NKAIN3: variants seen among roughly 807,000 people sequenced by gnomAD.
NKAIN3 encodes sodium/potassium-transporting ATPase subunit beta-1-interacting protein 3.
A neutral mutation model predicts 30.2 loss-of-function variants in NKAIN3; 25 were observed. That is an observed-to-expected ratio of 0.83 (90% CI 0.60 to 1.16). The LOEUF is 1.16. Ranked by LOEUF, NKAIN3 falls within the 50% of genes most tolerant of loss-of-function variation. The pLI, the probability that NKAIN3 is intolerant of heterozygous loss-of-function variation, is 0.00. For synonymous variants in NKAIN3, 91 were observed against 89.6 expected, an observed-to-expected ratio of 1.02 and a Z score of -0.09; for missense variants, 225 against 254.1, an observed-to-expected ratio of 0.89 and a Z score of 0.78.
At chr8:62,895,601 C>G (rs182714877) in intron 4 of NKAIN3, among the ~76,000 whole-genome samples, 135 of 152,290 alleles carry the variant, frequency 8.9e-4, no homozygotes, top group African/African-American at 3.1e-3. Context: ...GGAGCCTTCT[C>G]CCAACTAGCT....
chr8:62,688,169 A>G (rs1456823582), intron 3 of NKAIN3, among the ~76,000 whole-genome samples: 1 of 152,166 alleles, frequency 6.6e-6, no homozygotes, highest in East Asian at 1.9e-4. Context: ...TTCCTTCAAG[A>G]ATCATTAGAC....
chr8:62,510,531 G>A (rs762035312), intron 1 of NKAIN3, among the ~76,000 whole-genome samples: 38 of 152,106 alleles, frequency 2.5e-4, no homozygotes, highest in Non-Finnish European at 3.8e-4. Flanking sequence ...GGTTTGTTAC[G>A]ATTTTCTGGG....
intron 4 of NKAIN3, among the ~76,000 whole-genome samples, chr8:62,805,339 G>A (rs1256812492): frequency 7.2e-5 from 11 of 151,786 alleles, no homozygotes; most frequent in Non-Finnish European, 1.3e-4. Context: ...AGCCCGCATT[G>A]CCAAGTCAAT....
intron 1 of NKAIN3, among the ~76,000 whole-genome samples, chr8:62,438,533 A>G (rs1286835304): frequency 6.6e-6 from 1 of 151,974 alleles, no homozygotes; most frequent in Non-Finnish European, 1.5e-5. Flanking sequence ...CTCGTAAGGG[A>G]CATCAGTAGG....
intron 3 of NKAIN3, among the ~76,000 whole-genome samples, chr8:62,725,398 T>A (rs1815222300): frequency 6.6e-6 from 1 of 152,174 alleles, no homozygotes; most frequent in South Asian, 2.1e-4. Flanking sequence ...TTGCCCATTT[T>A]TGCTTTGGTT....
chr8:62,296,659 A>G (rs1024694705), intron 1 of NKAIN3, among the ~76,000 whole-genome samples: 1 of 152,194 alleles, frequency 6.6e-6, no homozygotes, highest in African/African-American at 2.4e-5. Flanking sequence ...GAGAGACACT[A>G]TGTTAGACTT....
At chr8:62,604,517 C>T (rs2130161044) in intron 3 of NKAIN3, among the ~76,000 whole-genome samples, 1 of 152,226 alleles carries the variant, frequency 6.6e-6, no homozygotes, top group African/African-American at 2.4e-5. Context: ...TGGAATATCT[C>T]ACAATCAAAT....
intron 1 of NKAIN3, among the ~76,000 whole-genome samples, chr8:62,406,978 T>A (rs527799765): frequency 1.3e-3 from 194 of 152,340 alleles, no homozygotes; most frequent in African/African-American, 4.6e-3. Flanking sequence ...TTAGCCACAA[T>A]GCTGATACTG....
At chr8:62,617,522 G>A (rs555200588) in intron 3 of NKAIN3, among the ~76,000 whole-genome samples, 1 of 152,274 alleles carries the variant, frequency 6.6e-6, no homozygotes, top group South Asian at 2.1e-4. Flanking sequence ...AGAAACAAAG[G>A]CAACAGCTTG....
intron 4 of NKAIN3, among the ~76,000 whole-genome samples, chr8:62,753,942 GAC>G (rs1816367640): frequency 6.6e-6 from 1 of 152,026 alleles, no homozygotes; most frequent in South Asian, 2.1e-4. Flanking sequence ...TTAATTTTAA[GAC>G]CATATATAAA....
In NKAIN3 at chr8:62,815,163, A is replaced by T. The variant is rs1484292156; in HGVS notation, c.471+68034A>T. Among the ~76,000 whole-genome samples the T allele has an allele frequency of 1.1e-3, 171 of 152,204 alleles. 1 individual carries two copies. The highest frequency in any genetic ancestry group is 3.7e-3 in the African/African-American group (154 of 41,538). Reference sequence around the variant, plus strand: ...TTGACACATACACCCTCCCAAGACTAAACCAGGAAGAAGTTGAATCTCTGA... The same window carrying T: ...TTGACACATACACCCTCCCAAGACTTAACCAGGAAGAAGTTGAATCTCTGA... On this transcript the variant is annotated intron_variant, in intron 4 of 6. Transcript: ENST00000623646.
At chr8:62,881,668 T>C (rs2130814072) in intron 4 of NKAIN3, among the ~76,000 whole-genome samples, 1 of 152,370 alleles carries the variant, frequency 6.6e-6, no homozygotes, top group Non-Finnish European at 1.5e-5. Flanking sequence ...TTCCAAATTT[T>C]GGCAATTATA....
intron 3 of NKAIN3, among the ~76,000 whole-genome samples, chr8:62,644,713 A>T (rs1383191): frequency 0.48 from 72,455 of 152,014 alleles, 20,121 homozygotes; most frequent in African/African-American, 0.77. Context: ...ATTTTCTTTA[A>T]TAATACTTTT....
chr8:62,542,661 C>T (rs1019632620), intron 1 of NKAIN3, among the ~76,000 whole-genome samples: 8 of 152,168 alleles, frequency 5.3e-5, no homozygotes, highest in East Asian at 1.9e-4. Context: ...TAATTACTCA[C>T]GCAATATTTA....
At chr8:62,815,658 C>G (rs1408557113) in intron 4 of NKAIN3, among the ~76,000 whole-genome samples, 1 of 152,110 alleles carries the variant, frequency 6.6e-6, no homozygotes, top group Non-Finnish European at 1.5e-5. Context: ...AGGCCTTTGA[C>G]AACATTCAAA....
intron 4 of NKAIN3, among the ~76,000 whole-genome samples, chr8:62,917,358 C>T (rs1274112518): frequency 2.0e-5 from 3 of 152,108 alleles, no homozygotes; most frequent in East Asian, 1.9e-4. Context: ...AGGAGGTGCC[C>T]GCTGGGTGGG....
intron 4 of NKAIN3, among the ~76,000 whole-genome samples, chr8:62,884,261 ATTT>A (rs11321774): frequency 6.8e-6 from 1 of 146,520 alleles, no homozygotes. Context: ...ATTTTAGAGA[ATTT>A]TTTTTTTTTT....
At chr8:62,272,634 A>G (rs1043843633) in intron 1 of NKAIN3, among the ~76,000 whole-genome samples, 6 of 152,128 alleles carry the variant, frequency 3.9e-5, no homozygotes, top group African/African-American at 1.4e-4. Context: ...TACTAAGGTT[A>G]TTCTTACAAC....
intron 1 of NKAIN3, among the ~76,000 whole-genome samples, chr8:62,470,133 T>C (rs1388991267): frequency 6.6e-6 from 1 of 152,236 alleles, no homozygotes; most frequent in Admixed American, 6.5e-5. Flanking sequence ...ATTGGGTACC[T>C]ACTGATGGTA....
Sources: gnomAD v4.1 joint callset for allele counts (sites outside exome capture counted in the v4.1 genomes callset) on GRCh38, gnomAD v4.1.1 for gene constraint, MANE v1.5 for transcripts, NCBI Gene and HGNC (gene_info 2026-07-23, HGNC 2026-07-21) for gene names.